The following VAV3 variants were observed in gnomAD, a reference collection of about 807,000 sequenced individuals.
VAV3 encodes the protein vav guanine nucleotide exchange factor 3.
In VAV3, 94 loss-of-function variants were observed where a neutral mutation model predicts 131.2. The observed-to-expected ratio is 0.72, with a 90% CI of 0.61 to 0.85. The LOEUF is 0.85. Among genes scored for constraint, VAV3 ranks in the 40% least tolerant of loss-of-function variants. VAV3 has a pLI of 0.00. For synonymous variants in VAV3, 349 were observed against 342.0 expected (o/e 1.02, Z -0.22); for missense variants, 939 against 1,002.7 (o/e 0.94, Z 0.86).
chr1:107,886,063 A>G (rs1671020758), intron 1 of VAV3, among the ~76,000 whole-genome samples: 1 of 152,196 alleles, frequency 6.6e-6, no homozygotes, highest in Non-Finnish European at 1.5e-5. Flanking sequence ...CAAGGGGACT[A>G]GCATATGAAA....
chr1:107,617,563 T>A lies in VAV3; in HGVS notation c.1980+4A>T, dbSNP rs1653252744. The A allele has an allele frequency of 6.2e-7, 1 of 1,609,780 alleles. No homozygotes were observed. Among genetic ancestry groups the A allele is most frequent in the African/African-American group, 1.3e-5 (1 of 74,680 alleles). ...CAAGAGAAAATTAAGATACTAATACTTACACATGGGCAAGGCTTGACTGCA... is the reference window on the plus strand; with the variant it reads ...CAAGAGAAAATTAAGATACTAATACATACACATGGGCAAGGCTTGACTGCA... On this transcript the variant is annotated splice_donor_region_variant and intron_variant, in intron 21 of 26. Transcript: ENST00000370056.
intron 1 of VAV3, among the ~76,000 whole-genome samples, chr1:107,959,262 AAAATAAAT>A (rs576067078): frequency 8.2e-5 from 12 of 147,226 alleles, no homozygotes; most frequent in Non-Finnish European, 1.2e-4. Context: ...CTCTGTCTAA[AAAATAAAT>A]AAATTAATTA....
At chr1:107,894,975 A>C (rs899564102) in intron 1 of VAV3, among the ~76,000 whole-genome samples, 1 of 152,208 alleles carries the variant, frequency 6.6e-6, no homozygotes, top group Non-Finnish European at 1.5e-5. Flanking sequence ...TGTTTACAAC[A>C]GATCTCAGCC....
At chr1:107,909,674 ATATAAT>A (rs1672275886) in intron 1 of VAV3, among the ~76,000 whole-genome samples, 2 of 152,174 alleles carry the variant, frequency 1.3e-5, no homozygotes, top group South Asian at 4.1e-4. Context: ...TACCAAGTCT[ATATAAT>A]TATAAACTCA....
intron 2 of VAV3, among the ~76,000 whole-genome samples, chr1:107,865,736 G>A (rs1448013649): frequency 2.0e-5 from 3 of 152,072 alleles, no homozygotes; most frequent in Admixed American, 1.3e-4. Flanking sequence ...GACAGGAAAG[G>A]GTTCTCCCAG....
intron 21 of VAV3, among the ~76,000 whole-genome samples, chr1:107,617,322 C>T (rs1653233703): frequency 2.0e-5 from 3 of 152,054 alleles, no homozygotes; most frequent in African/African-American, 7.2e-5. Flanking sequence ...TCTTCTAAAA[C>T]CTTTTAGACT....
At position 107,894,145 on chromosome 1, in the gene VAV3, T is replaced by C. The variant is rs150706014; in HGVS notation, c.205-19128A>G. ...ATTATTTCCTATAGTTGACTGTAAA[T>C]GGACACTGTTTACTCGGGCAAGAAT... On this transcript the variant is annotated intron_variant, in intron 1 of 26. Transcript: ENST00000370056. Among the ~76,000 whole-genome samples, 1,365 of 152,348 alleles carry C rather than the reference T, an allele frequency of 9.0e-3. 13 individuals are homozygous for C. The highest frequency in any genetic ancestry group is 0.016 in the Non-Finnish European group (1,063 of 68,040).
chr1:107,877,316 C>G (rs999265691), intron 1 of VAV3, among the ~76,000 whole-genome samples: 4 of 152,286 alleles, frequency 2.6e-5, no homozygotes, highest in African/African-American at 9.6e-5. Context: ...TGCAACTGCT[C>G]TCTTGCAATA....
At chr1:107,613,444 CT>C (rs1652906474) in intron 21 of VAV3, among the ~76,000 whole-genome samples, 1 of 151,992 alleles carries the variant, frequency 6.6e-6, no homozygotes, top group Non-Finnish European at 1.5e-5. Context: ...CAGATTTCTC[CT>C]CAATTTCCTA....
chr1:107,949,525 T>C (rs1393458215), intron 1 of VAV3, among the ~76,000 whole-genome samples: 2 of 152,126 alleles, frequency 1.3e-5, no homozygotes, highest in Non-Finnish European at 1.5e-5. Context: ...AAGGCTGGTC[T>C]TCAATTCCTG....
chr1:107,798,839 T>C (rs1414905451), intron 2 of VAV3, among the ~76,000 whole-genome samples: 1 of 152,004 alleles, frequency 6.6e-6, no homozygotes, highest in African/African-American at 2.4e-5. Context: ...AACATTTCTA[T>C]ACTGTTAGAA....
intron 19 of VAV3, among the ~76,000 whole-genome samples, chr1:107,677,570 T>C (rs1336662777): frequency 6.6e-6 from 1 of 152,224 alleles, no homozygotes; most frequent in Non-Finnish European, 1.5e-5. Context: ...TTATTGATGA[T>C]AAATGTTCGA....
chr1:107,596,161 G>T, intron 25 of VAV3, 51 bp downstream of exon 25: 1 of 1,592,402 alleles, frequency 6.3e-7, no homozygotes, highest in Non-Finnish European at 8.6e-7. Context: ...ATGTTATTGT[G>T]CCCCTAATTT....
chr1:107,942,011 T>C (rs1571170152), intron 1 of VAV3, among the ~76,000 whole-genome samples: 1 of 152,152 alleles, frequency 6.6e-6, no homozygotes, highest in Non-Finnish European at 1.5e-5. Flanking sequence ...CCTCATCTTT[T>C]CCTGCCTCCC....
chr1:107,797,526 T>C (rs1666605437), intron 2 of VAV3, among the ~76,000 whole-genome samples: 1 of 152,114 alleles, frequency 6.6e-6, no homozygotes, highest in South Asian at 2.1e-4. Context: ...CCAAAAAGCA[T>C]AAGAGTCAAG....
intron 1 of VAV3, among the ~76,000 whole-genome samples, chr1:107,902,763 T>C (rs1203370286): frequency 1.3e-5 from 2 of 152,104 alleles, no homozygotes; most frequent in Non-Finnish European, 2.9e-5. Context: ...GCCAGTAGGA[T>C]ACAAATAAAA....
intron 1 of VAV3, among the ~76,000 whole-genome samples, chr1:107,918,360 G>A (rs1672720901): frequency 1.3e-5 from 2 of 152,310 alleles, no homozygotes; most frequent in Middle Eastern, 6.8e-3. Flanking sequence ...AAATGGGACT[G>A]TGGAGCTCAG....
chr1:107,875,681 A>G (rs765324782), intron 1 of VAV3, among the ~76,000 whole-genome samples: 4 of 152,172 alleles, frequency 2.6e-5, no homozygotes, highest in Non-Finnish European at 4.4e-5. Flanking sequence ...AGGTCATTGG[A>G]GGCCTTGGCC....
chr1:107,832,379 A>G (rs1668293041), intron 2 of VAV3, among the ~76,000 whole-genome samples: 1 of 152,218 alleles, frequency 6.6e-6, no homozygotes. Flanking sequence ...AGTTACAATG[A>G]TAAGAACAGG....
Sources: gnomAD v4.1 joint callset for allele counts (sites outside exome capture counted in the v4.1 genomes callset) on GRCh38, gnomAD v4.1.1 for gene constraint, MANE v1.5 for transcripts, NCBI Gene and HGNC (gene_info 2026-07-23, HGNC 2026-07-21) for gene names.